FUT8: variants seen among roughly 807,000 people sequenced by gnomAD.
The protein encoded by FUT8 is alpha-(1,6)-fucosyltransferase.
FUT8 carries 29 observed loss-of-function variants against 71.3 expected under a neutral mutation model. The observed-to-expected ratio is 0.41, with a 90% CI of 0.30 to 0.55. The LOEUF is 0.55. Among genes scored for constraint, FUT8 ranks in the 20% least tolerant of loss-of-function variants. The pLI is 0.34. For missense variants in FUT8, 544 were observed against 702.1 expected (o/e 0.77, Z 2.55); for synonymous variants, 254 against 239.3 (o/e 1.06, Z -0.57).
Position 65,550,777 on chromosome 14 carries a change from T to C in FUT8, c.-227-10560T>C, listed in dbSNP as rs1885242015. Among the ~76,000 whole-genome samples, 1 of 152,236 alleles carries C rather than the reference T, an allele frequency of 6.6e-6. No homozygotes were observed. The highest frequency in any genetic ancestry group is 2.1e-4 in the South Asian group (1 of 4,834). ...CTGTTTAAATGGACTAATTTTCTCC[T>C]GGTTATGGGTTACATTTTCCTTCTT... On this transcript the variant is annotated intron_variant, in intron 2 of 10. Transcript: ENST00000673929. This position sits in a 1 kb window ranked among gnomAD's most constrained non-coding sequence, Gnocchi z 4.5.
rs1566851560 is a variant in FUT8 at position 65,611,295 on chromosome 14, ACACACAC to A, written c.204-4681_204-4675del. ...CACACACACACACACACACACACAC[ACACACAC>A]CCCCCAAGTAATAGCCTTGATTTTG... On this transcript the variant is annotated intron_variant, in intron 3 of 10. Transcript: ENST00000673929. Among the ~76,000 whole-genome samples the A allele has an allele frequency of 5.7e-4, 27 of 47,368 alleles. 3 individuals carry two copies. Among genetic ancestry groups the A allele is most frequent in the African/African-American group, 2.6e-3 (23 of 8,944 alleles). 31.1% of individuals were successfully genotyped at this position (47,368 alleles called of 152,430 possible).
chr14:65,444,853 G>C (rs2065714704), intron 1 of FUT8, among the ~76,000 whole-genome samples: 1 of 152,160 alleles, frequency 6.6e-6, no homozygotes. Context: ...GGGCCCAATG[G>C]AAGGTGTATG....
the FUT8 span, among the ~76,000 whole-genome samples, chr14:65,401,381 C>T: frequency 6.6e-6 from 1 of 152,188 alleles, no homozygotes; most frequent in Non-Finnish European, 1.5e-5. Context: ...TAGCCACCAC[C>T]ACCTTGAAGT....
At chr14:65,532,559 A>G (rs540955947) in intron 2 of FUT8, among the ~76,000 whole-genome samples, 1 of 152,132 alleles carries the variant, frequency 6.6e-6, no homozygotes, top group African/African-American at 2.4e-5. Flanking sequence ...AGACCTTTAC[A>G]GTTGCAAAAT....
At position 65,627,239 on chromosome 14, in the gene FUT8, GA is replaced by G. The variant is rs1211448928; in HGVS notation, c.483-2243del. Among the ~76,000 whole-genome samples the G allele has an allele frequency of 2.0e-5, 3 of 149,278 alleles. No homozygotes were observed. The highest frequency in any genetic ancestry group is 3.9e-4 in the East Asian group (2 of 5,144). ...TATATTGGAAAATGATAACTGCTTAGAAAAAAAAAATAAGCAGGGAAGGAGT... is the reference window on the plus strand; with the variant it reads ...TATATTGGAAAATGATAACTGCTTAGAAAAAAAAATAAGCAGGGAAGGAGT... On this transcript the variant is annotated intron_variant, in intron 5 of 10. Coordinates refer to ENST00000673929, the MANE Select transcript of FUT8 (RefSeq NM_001371533.1). The surrounding 1 kb of genome is among the most constrained non-coding windows in gnomAD (Gnocchi z 4.0).
At chr14:65,711,806 A>G (rs1181064473) in intron 7 of FUT8, among the ~76,000 whole-genome samples, 1 of 152,182 alleles carries the variant, frequency 6.6e-6, no homozygotes, top group African/African-American at 2.4e-5. Context: ...TAAGAATCCT[A>G]AAAGGAGTTT....
rs774141198 is a variant in FUT8, at chr14:65,641,041, G to A, written c.597+11435G>A. 1.6e-4 allele frequency among the ~76,000 whole-genome samples: 25 copies of A among 151,786 alleles called. 1 individual carries two copies. The highest frequency in any genetic ancestry group is 3.3e-4 in the Admixed American group (5 of 15,244). ...GAGATATAGTTGACACAAAATAAAC[G>A]GCACATATTTAGAGTATACAATTTG... On this transcript the variant is annotated intron_variant, in intron 6 of 10. Coordinates refer to ENST00000673929, the MANE Select transcript of FUT8 (RefSeq NM_001371533.1).
At chr14:65,597,451 G>A (rs1888044040) in intron 3 of FUT8, among the ~76,000 whole-genome samples, 2 of 151,718 alleles carry the variant, frequency 1.3e-5, no homozygotes, top group Non-Finnish European at 2.9e-5. Flanking sequence ...GTGAAACCCC[G>A]TCTCTACTAA....
At chr14:65,694,512 T>G (rs2140454987) in intron 7 of FUT8, among the ~76,000 whole-genome samples, 1 of 152,288 alleles carries the variant, frequency 6.6e-6, no homozygotes, top group South Asian at 2.1e-4. Context: ...TTCTTTTAAA[T>G]TTATATTTGA....
Position 65,647,792 on chromosome 14 carries a change from C to T in FUT8, c.597+18186C>T, listed in dbSNP as rs531785327. 3.3e-5 allele frequency among the ~76,000 whole-genome samples: 5 copies of T among 151,966 alleles called. No individual in the cohort carries two copies. In the East Asian group the frequency reaches 9.7e-4, roughly 29 times the overall value. On this transcript the variant is annotated intron_variant, in intron 6 of 10. Coordinates refer to ENST00000673929, the MANE Select transcript of FUT8 (RefSeq NM_001371533.1). Reference sequence around the variant, plus strand: ...CAGATCAGACATTAGGAAAATATTGCTACTAGTGTGAATAGAAAGTAATGT... The same window carrying T: ...CAGATCAGACATTAGGAAAATATTGTTACTAGTGTGAATAGAAAGTAATGT...
At chr14:65,568,418 G>A (rs374364840) in intron 3 of FUT8, among the ~76,000 whole-genome samples, 14 of 151,120 alleles carry the variant, frequency 9.3e-5, no homozygotes, top group African/African-American at 2.9e-4. Flanking sequence ...GTCCTGGAAA[G>A]CCTTAAATTT....
intron 1 of FUT8, among the ~76,000 whole-genome samples, chr14:65,428,305 G>C (rs75286769): frequency 4.0e-4 from 61 of 152,188 alleles, no homozygotes; most frequent in African/African-American, 1.4e-3. Flanking sequence ...GAATTCTTAC[G>C]TTGAGACCTA....
At chr14:65,466,925 A>C (rs773883323) in intron 2 of FUT8, among the ~76,000 whole-genome samples, 1 of 152,038 alleles carries the variant, frequency 6.6e-6, no homozygotes, top group Non-Finnish European at 1.5e-5. Flanking sequence ...TTATAACATT[A>C]CTTTTATTTG....
At chr14:65,564,014 TTTATAG>T (rs1886056025) in intron 3 of FUT8, among the ~76,000 whole-genome samples, 2 of 151,922 alleles carry the variant, frequency 1.3e-5, no homozygotes, top group African/African-American at 4.8e-5. Flanking sequence ...AGGAAAATAG[TTTATAG>T]TTATTTTCCC....
chr14:65,451,481 G>A (rs1402859712), intron 1 of FUT8, among the ~76,000 whole-genome samples: 1 of 152,238 alleles, frequency 6.6e-6, no homozygotes, highest in East Asian at 1.9e-4. Flanking sequence ...GACAGCTTAA[G>A]TGCTAACAAC....
At chr14:65,439,954 G>GTATATATATATATATATATATA (rs60534547) in intron 1 of FUT8, among the ~76,000 whole-genome samples, 1 of 74,980 alleles carries the variant, frequency 1.3e-5, no homozygotes, top group Non-Finnish European at 2.5e-5. Flanking sequence ...GTGTGTGTGT[G>GTATATATATATATATATATATA]TATATATATA....
chr14:65,530,830 T>C (rs921905887), intron 2 of FUT8, among the ~76,000 whole-genome samples: 3 of 148,850 alleles, frequency 2.0e-5, no homozygotes, highest in East Asian at 2.4e-4. Context: ...TCTCTCTCTC[T>C]CCCTCCCTCC....
At chr14:65,676,585 CCT>C (rs1014939536) in intron 7 of FUT8, among the ~76,000 whole-genome samples, 1 of 151,188 alleles carries the variant, frequency 6.6e-6, no homozygotes, top group Non-Finnish European at 1.5e-5. Context: ...TAGTCGGTCC[CCT>C]GAGTCACCCC....
chr14:65,739,037 GATTTTT>G (rs1171794231), intron 10 of FUT8, among the ~76,000 whole-genome samples: 1 of 151,988 alleles, frequency 6.6e-6, no homozygotes, highest in Admixed American at 6.6e-5. Context: ...TTCCTTTTTG[GATTTTT>G]ATTTTTATTT....
Sources: gnomAD v4.1 joint callset for allele counts (sites outside exome capture counted in the v4.1 genomes callset) on GRCh38, gnomAD v4.1.1 for gene constraint, Gnocchi (gnomAD v3.1) non-coding constraint, MANE v1.5 for transcripts, NCBI Gene and HGNC (gene_info 2026-07-23, HGNC 2026-07-21) for gene names.